NCL: variants seen among roughly 807,000 people sequenced by gnomAD.
NCL encodes the protein nucleolin multifunctional protein.
A neutral mutation model predicts 77.7 loss-of-function variants in NCL; 4 were observed. The observed-to-expected ratio is 0.05, with a 90% CI of 0.03 to 0.12. The LOEUF is 0.12. NCL is among the 10% of genes least tolerant of loss of function. The pLI is 1.00. For missense variants in NCL, 763 were observed against 860.9 expected (o/e 0.89, Z 1.42); for synonymous variants, 344 against 297.8 (o/e 1.16, Z -1.60).
chr2:231,462,581 A>G (rs768268535), intron 2 of NCL: 1 of 514,560 alleles, frequency 1.9e-6, no homozygotes, highest in Non-Finnish European at 3.9e-6. Flanking sequence ...TAGCTACATT[A>G]AAATCCCGTA....
chr2:231,463,359 T>C (rs2046970041), intron 1 of NCL, 43 bp from the exon 2 acceptor site: 2 of 1,271,466 alleles, frequency 1.6e-6, no homozygotes, highest in Non-Finnish European at 2.3e-6. Flanking sequence ...CACCTCGACA[T>C]TTCAGGCCAT....
chr2:231,459,895 C>T (rs2046929725), intron 6 of NCL, among the ~76,000 whole-genome samples: 1 of 151,892 alleles, frequency 6.6e-6, no homozygotes, highest in Non-Finnish European at 1.5e-5. Context: ...CAAAAGCCAG[C>T]GTCCGTCTCA....
intron 12 of NCL, 183 bp from the exon 13 acceptor site, chr2:231,455,807 T>A: frequency 8.7e-7 from 1 of 1,148,590 alleles, no homozygotes. Context: ...CCAGAATGTC[T>A]CACAATACAG....
At chr2:231,464,203 C>T in intron 1 of NCL, 133 bp downstream of exon 1, 1 of 1,475,044 alleles carries the variant, frequency 6.8e-7, no homozygotes, top group South Asian at 1.3e-5. Context: ...CCCCACTAAT[C>T]GCGCGAGACT....
At chr2:231,456,324 G>T in intron 11 of NCL, 188 bp from the exon 12 acceptor site, 1 of 889,182 alleles carries the variant, frequency 1.1e-6, no homozygotes, top group Non-Finnish European at 1.8e-6. Flanking sequence ...AATTGCCATT[G>T]CATAGTTGAT....
At chr2:231,462,393 C>A (rs1026751166) in intron 2 of NCL, 2 of 382,762 alleles carry the variant, frequency 5.2e-6, no homozygotes, top group Non-Finnish European at 5.1e-6. Flanking sequence ...ACATAGGAGG[C>A]TCCAAGCATT....
At chr2:231,459,246 G>T in intron 6 of NCL, 121 bp from the exon 7 acceptor site, 1 of 1,126,504 alleles carries the variant, frequency 8.9e-7, no homozygotes, top group Non-Finnish European at 1.2e-6. Flanking sequence ...AGCACCCCTA[G>T]TATTAGCAAA....
intron 13 of NCL, 57 bp downstream of exon 13, chr2:231,455,342 CAG>C: frequency 1.2e-6 from 2 of 1,613,564 alleles, no homozygotes; most frequent in South Asian, 1.1e-5. Flanking sequence ...GGAACCGTGA[CAG>C]GGCACAGGGT....
In NCL at chr2:231,454,135, T is replaced by G. The variant is rs927266353; in HGVS notation, c.*1056A>C. The G allele has an allele frequency of 6.6e-6, 1 of 152,280 alleles. No homozygotes were observed. Among genetic ancestry groups the G allele is most frequent in the Non-Finnish European group, 1.5e-5 (1 of 68,126 alleles). 9.4% of individuals were successfully genotyped at this position (152,280 alleles called of 1,614,324 possible). A position where few individuals can be genotyped will look rare whatever the true frequency, so the allele number is the denominator to read the frequency against. ...TCCAAAGTGTCCACTGGTCTATCCATCTAGCGTGAGTTCTATTCCAGAACT... is the reference window on the plus strand; with the variant it reads ...TCCAAAGTGTCCACTGGTCTATCCAGCTAGCGTGAGTTCTATTCCAGAACT... On this transcript the variant is annotated 3_prime_UTR_variant, in exon 14 of 14. Coordinates refer to ENST00000322723, the MANE Select transcript of NCL (RefSeq NM_005381.3).
intron 2 of NCL, 138 bp from the exon 3 acceptor site, chr2:231,462,155 T>C (rs2046959029): frequency 3.5e-6 from 4 of 1,134,528 alleles, no homozygotes; most frequent in Non-Finnish European, 5.3e-6. Flanking sequence ...CATGTTAAAC[T>C]CCAGGCTTCT....
At position 231,455,230 on chromosome 2, in the gene NCL, A is replaced by ACCT. The variant is rs750871807; in HGVS notation, c.2091_2093dup (p.Gly698dup). 8.1e-6 allele frequency: 13 copies of ACCT among 1,613,952 alleles called. No homozygotes were observed. Among genetic ancestry groups the ACCT allele is most frequent in the South Asian group, 4.4e-5 (4 of 91,084 alleles). ...TCTTCTTTCCTTGTGGCTTGTGGTC[A>ACCT]CCTCCTCCTCCTCTGCCTCCTCGGA... On this transcript the variant is annotated inframe_insertion, in exon 14 of 14. Coordinates refer to ENST00000322723, the MANE Select transcript of NCL (RefSeq NM_005381.3).
Position 231,461,833 on chromosome 2 carries a change from G to A in NCL, c.320C>T (p.Pro107Leu). ...TVTPAKAVTTPGKKGATPGKA... is the reference protein window; with the variant it reads ...TVTPAKAVTTLGKKGATPGKA... The stretch of plus-strand genomic sequence containing the variant: ...GCCTGGTGTGGCTCCCTTCTTGCCA[G>A]GTGTGGTAACTGCTTTGGCTGGTGT... Residue 107 changes from proline (P) to leucine (L), a missense_variant, in exon 3 of 14, where the codon CCT (proline) becomes CTT (leucine). Coordinates refer to ENST00000322723, the MANE Select transcript of NCL (RefSeq NM_005381.3). The A allele has an allele frequency of 9.3e-6, 15 of 1,613,538 alleles. No homozygotes were observed. Among genetic ancestry groups the A allele is most frequent in the Non-Finnish European group, 1.3e-5 (15 of 1,179,982 alleles).
intron 6 of NCL, 32 bp downstream of exon 6, chr2:231,460,120 C>T: frequency 6.3e-7 from 1 of 1,592,894 alleles, no homozygotes; most frequent in Non-Finnish European, 8.5e-7. Context: ...TTAACAGACC[C>T]ACGTGTATGT....
intron 2 of NCL, 86 bp downstream of exon 2, chr2:231,463,112 TTA>T: frequency 1.0e-6 from 1 of 973,292 alleles, no homozygotes; most frequent in Non-Finnish European, 1.6e-6. Flanking sequence ...GAATAAAATC[TTA>T]TTTTTGCCAC....
At chr2:231,457,202 C>T in intron 9 of NCL, 78 bp from the exon 10 acceptor site, 1 of 1,582,722 alleles carries the variant, frequency 6.3e-7, no homozygotes. Flanking sequence ...ATATCTTATT[C>T]CTAAGAATTT....
chr2:231,461,781 C>T lies in NCL; in HGVS notation c.372G>A (p.Lys124=). 1 of 1,614,254 alleles carries T rather than the reference C, an allele frequency of 6.2e-7. No individual in the cohort carries two copies. The highest frequency in any genetic ancestry group is 1.1e-5 in the South Asian group (1 of 91,088). ...CCTTGGCTGGGATGGCAGCACCCTT[C>T]TTACCAGGAGTTGCTACCAATGCTT... ...PGKALVATPG[K]KGAAIPAKGA... The change falls in exon 3 of 14, where the codon AAG becomes AAA. Residue 124 remains lysine (K), a synonymous_variant. Transcript: ENST00000322723.
At chr2:231,456,605 A>G in intron 11 of NCL, 26 bp downstream of exon 11, 1 of 1,613,714 alleles carries the variant, frequency 6.2e-7, no homozygotes, top group Non-Finnish European at 8.5e-7. Flanking sequence ...ACCCCCAACC[A>G]CAGCACCCTA....
intron 5 of NCL, 91 bp downstream of exon 5, chr2:231,460,387 C>T: frequency 1.3e-6 from 2 of 1,591,860 alleles, no homozygotes; most frequent in Non-Finnish European, 8.6e-7. Flanking sequence ...CAGCACACTA[C>T]AATGTAACAT....
Position 231,461,766 on chromosome 2 carries a change from G to C in NCL, c.387C>G (p.Ile129Met), listed in dbSNP as rs2046954100. 1 of 1,614,140 alleles carries C rather than the reference G, an allele frequency of 6.2e-7. No homozygotes were observed. Residue 129 changes from isoleucine to methionine, a missense_variant, in exon 3 of 14, where the codon ATC becomes ATG. By Grantham distance (10) the Ile-to-Met change is conservative. Transcript: ENST00000322723. ...TGCCATTCTTTGCCCCCTTGGCTGG[G>C]ATGGCAGCACCCTTCTTACCAGGAG... ...VATPGKKGAA[I>M]PAKGAKNGKN...
Sources: gnomAD v4.1 joint callset for allele counts (sites outside exome capture counted in the v4.1 genomes callset) on GRCh38, gnomAD v4.1.1 for gene constraint, MANE v1.5 for transcripts, NCBI Gene and HGNC (gene_info 2026-07-23, HGNC 2026-07-21) for gene names.